Variants in WDPCP observed in about 807,000 individuals in gnomAD.
WDPCP encodes WD repeat-containing and planar cell polarity effector protein fritz homolog.
Under a neutral mutation model 93.1 loss-of-function variants are expected in WDPCP, and 71 were observed. That is an observed-to-expected ratio of 0.76 (90% CI 0.63 to 0.93). The LOEUF is 0.93. WDPCP is among the 40% of genes least tolerant of loss of function. The pLI is 0.00. For synonymous variants in WDPCP, 315 were observed against 315.0 expected (o/e 1.00, Z 0.00); for missense variants, 844 against 887.4 (o/e 0.95, Z 0.62).
intron 13 of WDPCP, among the ~76,000 whole-genome samples, chr2:63,290,087 G>A (rs188804162): frequency 5.3e-5 from 8 of 151,086 alleles, no homozygotes; most frequent in African/African-American, 1.7e-4. Flanking sequence ...TTGAACTTAC[G>A]GTCGTTATTT....
intron 2 of WDPCP, among the ~76,000 whole-genome samples, chr2:63,736,373 C>T (rs1304099444): frequency 6.6e-6 from 1 of 152,214 alleles, no homozygotes; most frequent in Non-Finnish European, 1.5e-5. Flanking sequence ...ACATGCCTTA[C>T]TTATCAGGTA....
chr2:63,272,753 G>T (rs1382231705), intron 13 of WDPCP, among the ~76,000 whole-genome samples: 1 of 152,178 alleles, frequency 6.6e-6, no homozygotes, highest in East Asian at 1.9e-4. Context: ...AGACAGTTTT[G>T]ACACCATAAA....
At position 63,758,691 on chromosome 2, in the gene WDPCP, C is replaced by T. The variant is rs547265674; in HGVS notation, n.308+54931G>A. 1.1e-4 allele frequency among the ~76,000 whole-genome samples: 16 copies of T among 152,282 alleles called. No homozygotes were observed. In the South Asian group the frequency reaches 3.1e-3, roughly 30 times the overall value. ...CTGGGCTCAAGTGATCTGCCTGCCT[C>T]GGCCTCCCAAAGTGCTGGGATTACA... On this transcript the variant is annotated intron_variant and non_coding_transcript_variant, in intron 2 of 4. Transcript: ENST00000467687.
At position 63,205,363 on chromosome 2, in the gene WDPCP, G is replaced by A. The variant is rs767149716; in HGVS notation, c.1916-30531C>T. On this transcript the variant is annotated intron_variant, in intron 14 of 17. Transcript: ENST00000272321. ...AGGATTTTTTTTCTATTTCTGTGAA[G>A]GATGTCAGTGGTATTTTGATATGGA... 1.2e-4 allele frequency among the ~76,000 whole-genome samples: 19 copies of A among 152,276 alleles called. No homozygotes were observed. In the South Asian group the frequency reaches 1.7e-3, roughly 13 times the overall value.
chr2:63,321,070 A>G (rs1384973866), intron 12 of WDPCP, among the ~76,000 whole-genome samples: 1 of 152,110 alleles, frequency 6.6e-6, no homozygotes, highest in African/African-American at 2.4e-5. Flanking sequence ...GACATTTCAT[A>G]ATGATAAAAA....
At chr2:63,396,895 T>C (rs949690056) in intron 10 of WDPCP, among the ~76,000 whole-genome samples, 2 of 152,322 alleles carry the variant, frequency 1.3e-5, no homozygotes, top group Middle Eastern at 3.4e-3. Flanking sequence ...AGCTCCCACT[T>C]ATAAGTAAGA....
intron 2 of WDPCP, among the ~76,000 whole-genome samples, chr2:63,812,098 C>A (rs538785187): frequency 3.9e-5 from 6 of 152,072 alleles, no homozygotes; most frequent in Non-Finnish European, 8.8e-5. Context: ...CTCCTGGGCT[C>A]AAATGATCCT....
rs186697624 is a variant in WDPCP, at chr2:63,265,096, A to G, written c.1813-5687T>C. 3.4e-3 allele frequency among the ~76,000 whole-genome samples: 522 copies of G among 152,340 alleles called. 4 individuals carry two copies. Among genetic ancestry groups the G allele is most frequent in the African/African-American group, 0.012 (500 of 41,584 alleles). ...ATGGTAAAAAGTGCCTACTTCAGAA[A>G]AGAATATCTCAAATAAACAATCTAA... On this transcript the variant is annotated intron_variant, in intron 13 of 17. Transcript: ENST00000272321.
At chr2:63,489,484 C>T (rs1052543061) in intron 2 of WDPCP, among the ~76,000 whole-genome samples, 7 of 152,068 alleles carry the variant, frequency 4.6e-5, no homozygotes, top group Non-Finnish European at 1.5e-5. Flanking sequence ...TAAAGCAGAA[C>T]TTGGCTTCTA....
intron 14 of WDPCP, among the ~76,000 whole-genome samples, chr2:63,207,238 G>C (rs1676410213): frequency 6.6e-6 from 1 of 152,104 alleles, no homozygotes; most frequent in Non-Finnish European, 1.5e-5. Context: ...ATAGTGATAT[G>C]GTTTGACTGT....
At chr2:63,729,916 A>G (rs1344299994) in intron 2 of WDPCP, among the ~76,000 whole-genome samples, 1 of 152,196 alleles carries the variant, frequency 6.6e-6, no homozygotes, top group African/African-American at 2.4e-5. Context: ...AAATTCATCA[A>G]ATATAGTCCA....
intron 2 of WDPCP, among the ~76,000 whole-genome samples, chr2:63,756,682 T>C (rs752065100): frequency 6.6e-6 from 1 of 152,272 alleles, no homozygotes; most frequent in Non-Finnish European, 1.5e-5. Context: ...AGTTCCAGTT[T>C]CCTCATATAA....
intron 1 of WDPCP, among the ~76,000 whole-genome samples, chr2:63,507,794 G>C (rs1701976357): frequency 6.6e-6 from 1 of 152,044 alleles, no homozygotes; most frequent in East Asian, 1.9e-4. Context: ...GCATACACAA[G>C]TATAAATAGC....
At chr2:63,600,200 G>C (rs927243952) in intron 3 of WDPCP, 1 of 152,192 alleles carries the variant, frequency 6.6e-6, no homozygotes, top group African/African-American at 2.4e-5. Context: ...TTCAGCTCTG[G>C]AATGCCTAGT....
At chr2:63,578,041 A>C (rs191869528) in intron 1 of WDPCP, among the ~76,000 whole-genome samples, 1 of 152,320 alleles carries the variant, frequency 6.6e-6, no homozygotes, top group Admixed American at 6.5e-5. Flanking sequence ...AGAAATACTG[A>C]ATAGCTCTTT....
intron 1 of WDPCP, among the ~76,000 whole-genome samples, chr2:63,505,356 A>G (rs1348310963): frequency 6.6e-6 from 1 of 152,066 alleles, no homozygotes; most frequent in African/African-American, 2.4e-5. Flanking sequence ...TGAATAAACC[A>G]CCAAGGTCCC....
chr2:63,464,496 A>G (rs952609906), intron 6 of WDPCP, among the ~76,000 whole-genome samples: 2 of 152,154 alleles, frequency 1.3e-5, no homozygotes, highest in African/African-American at 4.8e-5. Flanking sequence ...AAAATTAAAA[A>G]TAGAACTAGC....
chr2:63,473,586 A>G (rs1203035394), intron 6 of WDPCP, among the ~76,000 whole-genome samples: 1 of 152,158 alleles, frequency 6.6e-6, no homozygotes, highest in Non-Finnish European at 1.5e-5. Flanking sequence ...GCAACCACTG[A>G]TATTTCAGGA....
At chr2:63,463,022 T>C (rs1411963181) in intron 6 of WDPCP, among the ~76,000 whole-genome samples, 6 of 151,966 alleles carry the variant, frequency 3.9e-5, no homozygotes, top group Non-Finnish European at 7.4e-5. Context: ...GGTTATAAAT[T>C]TGATAATCTA....
Sources: gnomAD v4.1 joint callset for allele counts (sites outside exome capture counted in the v4.1 genomes callset) on GRCh38, gnomAD v4.1.1 for gene constraint, MANE v1.5 for transcripts, NCBI Gene and HGNC (gene_info 2026-07-23, HGNC 2026-07-21) for gene names.